ZBBX: variants seen among roughly 807,000 people sequenced by gnomAD.
The protein encoded by ZBBX is zinc finger B-box domain-containing protein 1.
In ZBBX, 101 loss-of-function variants were observed where a neutral mutation model predicts 108.5. The ratio of observed to expected loss-of-function variants is 0.93; its 90% confidence interval spans 0.79 to 1.10. The LOEUF is 1.10. ZBBX is among the 50% of genes least tolerant of loss of function. The pLI, the probability that ZBBX is intolerant of heterozygous loss-of-function variation, is 0.00. For missense variants in ZBBX, 1,009 were observed against 941.4 expected (o/e 1.07, Z -0.94); for synonymous variants, 356 against 323.4 (o/e 1.10, Z -1.08).
intron 9 of ZBBX, among the ~76,000 whole-genome samples, chr3:167,350,131 A>T (rs1292869234): frequency 6.6e-6 from 1 of 152,086 alleles, no homozygotes; most frequent in Non-Finnish European, 1.5e-5. Flanking sequence ...CACAATAGAT[A>T]AAATATTTTC....
intron 9 of ZBBX, among the ~76,000 whole-genome samples, chr3:167,338,076 T>C (rs182770468): frequency 2.8e-4 from 43 of 152,266 alleles, no homozygotes; most frequent in African/African-American, 4.1e-4. Flanking sequence ...TCAAGGCACA[T>C]AGTAAATCAT....
intron 9 of ZBBX, among the ~76,000 whole-genome samples, chr3:167,336,209 T>C (rs1739525104): frequency 6.6e-6 from 1 of 152,126 alleles, no homozygotes; most frequent in Admixed American, 6.5e-5. Context: ...AATGTTATAA[T>C]AATTGTTATA....
chr3:167,224,801 C>A, the ZBBX span, among the ~76,000 whole-genome samples: 1 of 151,822 alleles, frequency 6.6e-6, no homozygotes, highest in Admixed American at 6.6e-5. Flanking sequence ...TACTATCTCC[C>A]AATTTAACTT....
intron 1 of ZBBX, among the ~76,000 whole-genome samples, chr3:167,401,049 A>G (rs1748409922): frequency 6.6e-6 from 1 of 152,152 alleles, no homozygotes; most frequent in African/African-American, 2.4e-5. Context: ...ATCTACCACT[A>G]TTTATTGACA....
Position 167,322,315 on chromosome 3 carries a change from CTCA to C in ZBBX, c.863-81_863-79del, listed in dbSNP as rs1736584361. ...CTATATCTTCTCTTAAGATGTAGAA[CTCA>C]TCATTTTTGGGGCATATATGCTTTA... On this transcript the variant is annotated intron_variant, in intron 11 of 21. Transcript: ENST00000675490. 5 of 1,245,746 alleles carry C rather than the reference CTCA, an allele frequency of 4.0e-6. No homozygotes were observed. The South Asian group carries it at 1.4e-4, about 34-fold the overall frequency. The allele number at this position is 1,245,746 out of a possible 1,614,324, so 77.2% of individuals were successfully genotyped here.
the ZBBX span, among the ~76,000 whole-genome samples, chr3:167,204,822 G>C: frequency 1.3e-5 from 2 of 151,968 alleles, no homozygotes; most frequent in Non-Finnish European, 2.9e-5. Flanking sequence ...TCCAGATTCA[G>C]GGAGAGAATG....
At chr3:167,339,130 G>GT (rs530380823) in intron 9 of ZBBX, among the ~76,000 whole-genome samples, 4 of 151,888 alleles carry the variant, frequency 2.6e-5, no homozygotes, top group East Asian at 1.9e-4. Flanking sequence ...GATTCTTAAG[G>GT]TTTTTTTCCC....
intron 1 of ZBBX, among the ~76,000 whole-genome samples, chr3:167,403,293 T>C (rs1362058356): frequency 6.6e-6 from 1 of 152,100 alleles, no homozygotes; most frequent in African/African-American, 2.4e-5. Flanking sequence ...AAAACGATTA[T>C]CAACTTAGAA....
chr3:167,311,411 T>A (rs1239438909), intron 16 of ZBBX, among the ~76,000 whole-genome samples: 2 of 151,982 alleles, frequency 1.3e-5, no homozygotes, highest in Admixed American at 6.6e-5. Flanking sequence ...ACTTTCTAGA[T>A]ACAACATCAA....
chr3:167,292,587 A>G (rs1450910423), intron 18 of ZBBX, among the ~76,000 whole-genome samples: 2 of 152,202 alleles, frequency 1.3e-5, no homozygotes, highest in South Asian at 2.1e-4. Flanking sequence ...AAATGTCCTC[A>G]AGAGAAAGCT....
chr3:167,325,880 T>G (rs866552903), intron 11 of ZBBX, among the ~76,000 whole-genome samples: 3 of 152,168 alleles, frequency 2.0e-5, no homozygotes, highest in Middle Eastern at 3.2e-3. Flanking sequence ...AATAATTTAT[T>G]GTCAACCAAA....
the ZBBX span, among the ~76,000 whole-genome samples, chr3:167,229,367 G>A: frequency 7.3e-5 from 11 of 151,702 alleles, no homozygotes; most frequent in Non-Finnish European, 1.0e-4. Context: ...GCATTTATTA[G>A]TGCAATTATT....
chr3:167,298,485 T>A, intron 17 of ZBBX, 27 bp from the exon 18 acceptor site: 3 of 1,433,612 alleles, frequency 2.1e-6, no homozygotes, highest in Non-Finnish European at 2.8e-6. Flanking sequence ...TCAACAATAT[T>A]ATTTTCTAAC....
the ZBBX span, among the ~76,000 whole-genome samples, chr3:167,220,591 C>T: frequency 1.3e-5 from 2 of 151,928 alleles, no homozygotes; most frequent in Middle Eastern, 3.4e-3. Context: ...TATCTCAACA[C>T]AATAAAAGCC....
Position 167,282,328 on chromosome 3 carries a change from C to A in ZBBX, c.2164G>T (p.Asp722Tyr). 1 of 1,613,912 alleles carries A rather than the reference C, an allele frequency of 6.2e-7. No homozygotes were observed. Among genetic ancestry groups the A allele is most frequent in the Non-Finnish European group, 8.5e-7 (1 of 1,179,902 alleles). Residue 722 changes from aspartate to tyrosine, a missense_variant, in exon 20 of 22, where the codon GAC becomes TAC. Coordinates refer to ENST00000675490, the MANE Select transcript of ZBBX (RefSeq NM_001199201.2). ...TCATCTAAGGAAAGCTCATTCTGGT[C>A]AGTAATATCAATATATTCAATTTCT... ...ISEIEYIDITDQNELSLDDTT... is the reference protein window; with the variant it reads ...ISEIEYIDITYQNELSLDDTT...
At chr3:167,258,187 A>G (rs1177057234) in intron 20 of ZBBX, among the ~76,000 whole-genome samples, 1 of 152,058 alleles carries the variant, frequency 6.6e-6, no homozygotes, top group Non-Finnish European at 1.5e-5. Flanking sequence ...ACACTTCTAC[A>G]CTGCTGGTGG....
chr3:167,219,154 A>T, the ZBBX span, among the ~76,000 whole-genome samples: 1 of 152,098 alleles, frequency 6.6e-6, no homozygotes, highest in Non-Finnish European at 1.5e-5. Context: ...AGAGCTAAAC[A>T]GAGAAATAGA....
intron 16 of ZBBX, among the ~76,000 whole-genome samples, chr3:167,307,751 G>A (rs1334070719): frequency 6.6e-6 from 1 of 152,104 alleles, no homozygotes; most frequent in African/African-American, 2.4e-5. Flanking sequence ...TGGGATAACT[G>A]GCTAGCCATA....
chr3:167,298,323 T>A lies in ZBBX; in HGVS notation c.1861A>T (p.Thr621Ser). ...SHRLECNNSS[T>S]RITLAEDREW... ...AATTTACCTGCAAGTGTAATCCTAGTACTGGAATTGTTGCATTCTAAACGA... is the reference window on the plus strand; with the variant it reads ...AATTTACCTGCAAGTGTAATCCTAGAACTGGAATTGTTGCATTCTAAACGA... Residue 621 changes from threonine (T) to serine (S), a missense_variant, in exon 18 of 22, where the codon ACT becomes TCT. By Grantham distance (58) the Thr-to-Ser change is moderately conservative. Coordinates refer to ENST00000675490, the MANE Select transcript of ZBBX (RefSeq NM_001199201.2). 5 of 1,597,524 alleles carry A rather than the reference T, an allele frequency of 3.1e-6. No homozygotes were observed. Among genetic ancestry groups the A allele is most frequent in the Non-Finnish European group, 3.4e-6 (4 of 1,173,248 alleles).
Sources: allele counts gnomAD v4.1 joint callset (sites outside exome capture counted in the v4.1 genomes callset), GRCh38; gene constraint gnomAD v4.1.1; transcripts MANE v1.5; gene names NCBI Gene and HGNC (gene_info 2026-07-23, HGNC 2026-07-21).